Variants in EDIL3 observed in about 807,000 individuals in gnomAD.
EDIL3 encodes the protein EGF like and discoidin domains 3, also known as EGF-like repeat and discoidin I-like domain-containing protein 3.
A neutral mutation model predicts 67.4 loss-of-function variants in EDIL3; 37 were observed. The observed-to-expected ratio is 0.55, with a 90% CI of 0.42 to 0.72. The LOEUF (loss-of-function observed/expected upper bound fraction) is 0.72, where lower values mean the gene tolerates loss of function less well. Ranked by LOEUF, EDIL3 falls within the 30% of genes least tolerant of loss-of-function variation. The probability of loss-of-function intolerance (pLI) is 0.00; values close to 1 mark genes in which losing one functional copy is unlikely to be tolerated. For synonymous variants in EDIL3, 195 were observed against 196.3 expected, an observed-to-expected ratio of 0.99 and a Z score of 0.05; for missense variants, 527 against 586.3, an observed-to-expected ratio of 0.90 and a Z score of 1.04.
At chr5:84,224,928 G>A (rs1229350625) in intron 3 of EDIL3, among the ~76,000 whole-genome samples, 1 of 151,470 alleles carries the variant, frequency 6.6e-6, no homozygotes, top group Non-Finnish European at 1.5e-5. Context: ...CTTTAAAAAT[G>A]TGAATCTCAT....
chr5:84,319,665 A>T (rs1189567966), intron 1 of EDIL3, among the ~76,000 whole-genome samples: 1 of 152,132 alleles, frequency 6.6e-6, no homozygotes, highest in African/African-American at 2.4e-5. Flanking sequence ...ATACCCAAGG[A>T]TTATAAATCA....
At chr5:84,356,052 C>T (rs1747473858) in intron 1 of EDIL3, among the ~76,000 whole-genome samples, 1 of 152,146 alleles carries the variant, frequency 6.6e-6, no homozygotes, top group Non-Finnish European at 1.5e-5. Context: ...TTATCTCTAA[C>T]AATATTAAAC....
At chr5:84,150,406 T>C (rs1748368941) in intron 4 of EDIL3, among the ~76,000 whole-genome samples, 1 of 152,152 alleles carries the variant, frequency 6.6e-6, no homozygotes, top group African/African-American at 2.4e-5. Flanking sequence ...AAAGAACTTG[T>C]ATATACAACA....
At chr5:84,274,690 A>G (rs1745538644) in intron 1 of EDIL3, among the ~76,000 whole-genome samples, 1 of 152,056 alleles carries the variant, frequency 6.6e-6, no homozygotes, top group Non-Finnish European at 1.5e-5. Context: ...TCTGGCTATC[A>G]GAACAAATGA....
intron 6 of EDIL3, among the ~76,000 whole-genome samples, chr5:84,075,499 G>A (rs540290148): frequency 7.5e-4 from 113 of 151,382 alleles, no homozygotes; most frequent in South Asian, 1.5e-3. Flanking sequence ...ATTTTGAGAC[G>A]GAGTCTTCCT....
intron 9 of EDIL3, among the ~76,000 whole-genome samples, chr5:84,039,073 G>A (rs532046034): frequency 2.0e-5 from 3 of 151,712 alleles, no homozygotes; most frequent in Non-Finnish European, 4.4e-5. Flanking sequence ...AGTAGCTATG[G>A]GGATTAAGAT....
At chr5:84,310,168 C>T (rs986418677) in intron 1 of EDIL3, among the ~76,000 whole-genome samples, 1 of 152,126 alleles carries the variant, frequency 6.6e-6, no homozygotes, top group African/African-American at 2.4e-5. Flanking sequence ...AATAACTGAA[C>T]CTTGAAATCT....
intron 4 of EDIL3, among the ~76,000 whole-genome samples, chr5:84,159,864 T>C (rs1748572608): frequency 6.6e-6 from 1 of 152,086 alleles, no homozygotes; most frequent in Admixed American, 6.6e-5. Flanking sequence ...TGTTGATAAT[T>C]TCAACTTTGG....
intron 1 of EDIL3, among the ~76,000 whole-genome samples, chr5:84,351,758 T>G (rs758645405): frequency 6.6e-6 from 1 of 151,970 alleles, no homozygotes; most frequent in African/African-American, 2.4e-5. Flanking sequence ...GTAAAATTTA[T>G]GGAAACAATA....
rs35700768 is a variant in EDIL3, at chr5:84,243,071, ATGTGTG to A, written c.196+11007_196+11012del. Among the ~76,000 whole-genome samples, 7 of 151,488 alleles carry A rather than the reference ATGTGTG, an allele frequency of 4.6e-5. No homozygotes were observed. In the East Asian group the frequency reaches 1.2e-3, roughly 25 times the overall value. Reference sequence around the variant, plus strand: ...CCCTTGTTTATTTTCAGGTTATTTTATGTGTGTGTGTGTGTGTGTAAATGAATGGTG... The same window carrying A: ...CCCTTGTTTATTTTCAGGTTATTTTATGTGTGTGTGTGTAAATGAATGGTG... On this transcript the variant is annotated intron_variant, in intron 2 of 10. Transcript: ENST00000296591.
intron 9 of EDIL3, among the ~76,000 whole-genome samples, chr5:83,996,713 A>G (rs1745244338): frequency 1.3e-5 from 2 of 152,212 alleles, no homozygotes; most frequent in Admixed American, 6.5e-5. Flanking sequence ...ATTCCACAGG[A>G]TGCAATAAAA....
intron 1 of EDIL3, among the ~76,000 whole-genome samples, chr5:84,335,747 T>C (rs1746973455): frequency 6.6e-6 from 1 of 152,176 alleles, no homozygotes; most frequent in Admixed American, 6.5e-5. Context: ...GGAAGATATC[T>C]TAGAGGAGGA....
At chr5:84,080,027 T>C (rs1282379515) in intron 6 of EDIL3, among the ~76,000 whole-genome samples, 1 of 143,162 alleles carries the variant, frequency 7.0e-6, no homozygotes, top group Admixed American at 7.5e-5. Context: ...ATCCCAGCAC[T>C]TTGGGAGGCC....
In EDIL3 at chr5:84,109,272, G is replaced by A. The variant is rs540032767; in HGVS notation, c.470-2442C>T. On this transcript the variant is annotated intron_variant, in intron 5 of 10. Coordinates refer to ENST00000296591, the MANE Select transcript of EDIL3 (RefSeq NM_005711.5). ...TGTAATCCCAGCACTTTGGGAGACC[G>A]AGGCAGGTGGATCACCTGAGGTCAG... Among the ~76,000 whole-genome samples the A allele has an allele frequency of 2.6e-3, 392 of 152,262 alleles. 2 individuals are homozygous for A. The highest frequency in any genetic ancestry group is 3.9e-3 in the Non-Finnish European group (265 of 68,012).
intron 1 of EDIL3, among the ~76,000 whole-genome samples, chr5:84,334,033 G>A (rs2386433): frequency 2.9e-3 from 431 of 150,932 alleles, no homozygotes; most frequent in African/African-American, 0.01. Flanking sequence ...ATGTAAGAAC[G>A]ATGCCCTTAC....
chr5:84,363,085 T>C (rs993588818), intron 1 of EDIL3, among the ~76,000 whole-genome samples: 1 of 152,174 alleles, frequency 6.6e-6, no homozygotes, highest in Non-Finnish European at 1.5e-5. Flanking sequence ...ACCTTTATAA[T>C]AAAGTATTAA....
intron 4 of EDIL3, among the ~76,000 whole-genome samples, chr5:84,158,215 C>T (rs181088883): frequency 1.2e-3 from 175 of 152,100 alleles, no homozygotes; most frequent in African/African-American, 3.4e-3. Flanking sequence ...GGCATTTTCA[C>T]TTTGTTACCT....
At chr5:84,020,712 T>A (rs1480304384) in intron 9 of EDIL3, among the ~76,000 whole-genome samples, 3 of 152,038 alleles carry the variant, frequency 2.0e-5, no homozygotes, top group African/African-American at 7.2e-5. Flanking sequence ...AAGAACAGTA[T>A]ACATAATGGA....
intron 10 of EDIL3, among the ~76,000 whole-genome samples, 166 bp downstream of exon 10, chr5:83,963,030 TACCAGACTG>T (rs1319360981): frequency 6.6e-6 from 1 of 151,694 alleles, no homozygotes; most frequent in Non-Finnish European, 1.5e-5. Context: ...CACCATTGCA[TACCAGACTG>T]CAACCCCTTT....
Sources: gnomAD v4.1 joint callset for allele counts (sites outside exome capture counted in the v4.1 genomes callset) on GRCh38, gnomAD v4.1.1 for gene constraint, MANE v1.5 for transcripts, NCBI Gene and HGNC (gene_info 2026-07-23, HGNC 2026-07-21) for gene names.